Variants in RPTOR observed in about 807,000 individuals in gnomAD.
RPTOR encodes regulatory-associated protein of mTOR.
A neutral mutation model predicts 169.9 loss-of-function variants in RPTOR; 21 were observed. The ratio of observed to expected loss-of-function variants is 0.12; its 90% CI spans 0.09 to 0.18. The LOEUF is 0.18. RPTOR is among the 10% of genes least tolerant of loss of function. The pLI, the probability that RPTOR is intolerant of heterozygous loss-of-function variation, is 1.00. For missense variants in RPTOR, 1,133 were observed against 1,855.9 expected (o/e 0.61, Z 7.16); for synonymous variants, 732 against 753.2 (o/e 0.97, Z 0.46).
intron 1 of RPTOR, among the ~76,000 whole-genome samples, chr17:80,610,368 A>G (rs1426094575): frequency 1.3e-5 from 2 of 152,182 alleles, no homozygotes; most frequent in Non-Finnish European, 2.9e-5. Context: ...TAGCATTCCC[A>G]TGGTTGTCAA....
rs59612900 is a variant in RPTOR at position 80,746,261 on chromosome 17, C to A, written c.655-7749C>A. Among the ~76,000 whole-genome samples, 6,317 of 137,822 alleles carry A rather than the reference C, an allele frequency of 0.046. 157 individuals carry two copies. Among genetic ancestry groups the A allele is most frequent in the Non-Finnish European group, 0.071 (4,288 of 60,198 alleles). The allele number at this position is 137,822 out of a possible 152,430, so 90.4% of individuals were successfully genotyped here. A position where few individuals can be genotyped will look rare whatever the true frequency, so the allele number is the denominator to read the frequency against. ...ACCGCCCCCACAGCGGTGCTTTCTGCGGGTGATCCCCACCGCCCCCACAGC... is the reference window on the plus strand; with the variant it reads ...ACCGCCCCCACAGCGGTGCTTTCTGAGGGTGATCCCCACCGCCCCCACAGC... On this transcript the variant is annotated intron_variant, in intron 5 of 33. Coordinates refer to ENST00000306801, the MANE Select transcript of RPTOR (RefSeq NM_020761.3). This position sits in a 1 kb window ranked among gnomAD's most constrained non-coding sequence, Gnocchi z 4.5.
At chr17:80,642,217 A>T (rs2065559534) in intron 2 of RPTOR, among the ~76,000 whole-genome samples, 1 of 151,910 alleles carries the variant, frequency 6.6e-6, no homozygotes, top group African/African-American at 2.4e-5. Context: ...GCTCACTGCA[A>T]CCTCTGCCTC....
chr17:80,772,737 G>A (rs527967904), intron 6 of RPTOR, among the ~76,000 whole-genome samples: 93 of 151,994 alleles, frequency 6.1e-4, no homozygotes, highest in Non-Finnish European at 1.1e-3. Context: ...TCTTCTTAAG[G>A]AACAGACTAA....
At chr17:80,944,405 C>A (rs1275434162) in intron 25 of RPTOR, among the ~76,000 whole-genome samples, 1 of 152,238 alleles carries the variant, frequency 6.6e-6, no homozygotes, top group Non-Finnish European at 1.5e-5. Context: ...TTGTACAAAC[C>A]TGACCACTGC....
At chr17:80,819,793 A>G (rs2589134) in intron 7 of RPTOR, among the ~76,000 whole-genome samples, 16,847 of 152,198 alleles carry the variant, frequency 0.11, 1,165 homozygotes, top group East Asian at 0.24. Flanking sequence ...GTGGACTTTG[A>G]GTGATGCAGT....
intron 21 of RPTOR, among the ~76,000 whole-genome samples, chr17:80,920,365 G>T (rs1052026592): frequency 1.3e-5 from 2 of 150,676 alleles, no homozygotes; most frequent in South Asian, 2.1e-4. Flanking sequence ...TAATGGGGGT[G>T]GGGGGGGCTC....
At chr17:80,862,076 C>T (rs1224319494) in intron 13 of RPTOR, among the ~76,000 whole-genome samples, 2 of 152,144 alleles carry the variant, frequency 1.3e-5, no homozygotes, top group African/African-American at 2.4e-5. Context: ...AGGCAGATAC[C>T]AGGGCCTCGG....
At chr17:80,962,867 C>T (rs1413111467) in intron 32 of RPTOR, 61 bp from the exon 33 acceptor site, 10 of 1,606,164 alleles carry the variant, frequency 6.2e-6, no homozygotes, top group African/African-American at 5.3e-5. Context: ...TCGGCATCTG[C>T]GCCCATCTTC....
chr17:80,548,292 G>A (rs936520474), intron 1 of RPTOR, among the ~76,000 whole-genome samples: 4 of 150,320 alleles, frequency 2.7e-5, no homozygotes, highest in African/African-American at 9.8e-5. Context: ...TTGAACTCCT[G>A]GGATCAAGCA....
rs186695720 is a variant in RPTOR, at chr17:80,625,814, C to T, written c.265+21C>T. The T allele has an allele frequency of 6.7e-4, 1,040 of 1,553,832 alleles. 6 individuals carry two copies. The African/African-American group carries it at 8.2e-3, about 12-fold the overall frequency. The stretch of plus-strand genomic sequence containing the variant: ...GATCGGTGAGTATGCCTCCCTCACG[C>T]GCTGCCACAAAGGCCGTCTGGCCGG... On this transcript the variant is annotated intron_variant, in intron 2 of 33. Coordinates refer to ENST00000306801, the MANE Select transcript of RPTOR (RefSeq NM_020761.3).
chr17:80,857,367 C>T (rs995572124), intron 12 of RPTOR, among the ~76,000 whole-genome samples: 2 of 150,810 alleles, frequency 1.3e-5, no homozygotes, highest in Non-Finnish European at 3.0e-5. Context: ...CGTGGTGTCA[C>T]GGAGAGGTGG....
At chr17:80,663,809 T>A (rs1326953148) in intron 3 of RPTOR, among the ~76,000 whole-genome samples, 1 of 151,906 alleles carries the variant, frequency 6.6e-6, no homozygotes, top group East Asian at 1.9e-4. Context: ...CTTCCTCTGC[T>A]TGAGACTGGT....
intron 7 of RPTOR, 135 bp from the exon 8 acceptor site, chr17:80,822,066 C>T: frequency 1.3e-6 from 1 of 765,034 alleles, no homozygotes; most frequent in Non-Finnish European, 2.3e-6. Flanking sequence ...CTGCCGTGCG[C>T]CAAGCTTCTG....
intron 3 of RPTOR, among the ~76,000 whole-genome samples, chr17:80,672,991 A>G (rs1422726610): frequency 6.6e-6 from 1 of 151,960 alleles, no homozygotes; most frequent in African/African-American, 2.4e-5. Context: ...CAGTGGTGCA[A>G]TCTTGGCTCA....
intron 32 of RPTOR, 60 bp downstream of exon 32, chr17:80,962,637 C>A (rs1284707851): frequency 2.8e-6 from 4 of 1,452,680 alleles, no homozygotes; most frequent in Middle Eastern, 1.8e-4. Context: ...TCTGTGCAAA[C>A]GGGAGGCTCT....
chr17:80,937,810 G>A (rs1003918297), intron 24 of RPTOR, among the ~76,000 whole-genome samples: 26 of 152,222 alleles, frequency 1.7e-4, no homozygotes, highest in African/African-American at 6.0e-4. Context: ...GTGGGTGCCC[G>A]CATCTTCCAC....
chr17:80,774,498 G>A (rs1344363306), intron 6 of RPTOR, among the ~76,000 whole-genome samples: 4 of 152,174 alleles, frequency 2.6e-5, no homozygotes, highest in Non-Finnish European at 4.4e-5. Context: ...GGCCGTCTGG[G>A]GTGGACAGCT....
intron 7 of RPTOR, among the ~76,000 whole-genome samples, chr17:80,819,251 T>C (rs978169386): frequency 1.3e-5 from 2 of 152,340 alleles, no homozygotes; most frequent in East Asian, 1.9e-4. Context: ...GCACACTCAT[T>C]GCAGTAAATG....
chr17:80,923,431 C>G (rs932912863), intron 22 of RPTOR, 59 bp from the exon 23 acceptor site: 1 of 1,594,538 alleles, frequency 6.3e-7, no homozygotes, highest in African/African-American at 1.3e-5. Context: ...GTTCCATGTT[C>G]CCTCTCGAAG....
Sources: allele counts gnomAD v4.1 joint callset (sites outside exome capture counted in the v4.1 genomes callset), GRCh38; gene constraint gnomAD v4.1.1; non-coding constraint Gnocchi (gnomAD v3.1); transcripts MANE v1.5; gene names NCBI Gene and HGNC (gene_info 2026-07-23, HGNC 2026-07-21).